Variants in DPP10 observed in about 807,000 individuals in gnomAD.
DPP10 encodes inactive dipeptidyl peptidase 10.
In DPP10, 33 loss-of-function variants were observed where a neutral mutation model predicts 120.9. The ratio of observed to expected loss-of-function variants is 0.27; its 90% confidence interval spans 0.21 to 0.37. The LOEUF (loss-of-function observed/expected upper bound fraction) is 0.37, where lower values mean the gene tolerates loss of function less well. Ranked by LOEUF, DPP10 falls within the 10% of genes least tolerant of loss-of-function variation. DPP10 has a pLI of 1.00. For synonymous variants in DPP10, 337 were observed against 326.1 expected (o/e 1.03, Z -0.36); for missense variants, 816 against 942.8 (o/e 0.87, Z 1.76).
chr2:115,721,385 G>A (rs979473214), intron 7 of DPP10, among the ~76,000 whole-genome samples: 1 of 152,012 alleles, frequency 6.6e-6, no homozygotes, highest in African/African-American at 2.4e-5. Context: ...CTGCCCTATG[G>A]TTTTGTACAA....
At chr2:115,469,260 A>T (rs2074532670) in intron 3 of DPP10, among the ~76,000 whole-genome samples, 2 of 152,358 alleles carry the variant, frequency 1.3e-5, no homozygotes, top group Middle Eastern at 6.8e-3. Flanking sequence ...GAAGGGCATG[A>T]AGAAAGACCA....
At chr2:114,573,650 T>C (rs1689827777) in intron 1 of DPP10, among the ~76,000 whole-genome samples, 1 of 152,160 alleles carries the variant, frequency 6.6e-6, no homozygotes, top group Non-Finnish European at 1.5e-5. Context: ...CTCACCTAGT[T>C]CCTGAGTTCT....
intron 1 of DPP10, among the ~76,000 whole-genome samples, chr2:114,808,129 C>T (rs994610642): frequency 6.6e-6 from 1 of 152,150 alleles, no homozygotes; most frequent in African/African-American, 2.4e-5. Context: ...GGACACATGA[C>T]ATCATTTTCA....
intron 1 of DPP10, among the ~76,000 whole-genome samples, chr2:114,595,877 T>G (rs1432928331): frequency 6.6e-6 from 1 of 152,132 alleles, no homozygotes; most frequent in African/African-American, 2.4e-5. Flanking sequence ...CCTGGATCAT[T>G]ATCTTTACTT....
At chr2:115,477,806 G>A (rs990769527) in intron 3 of DPP10, among the ~76,000 whole-genome samples, 1 of 151,960 alleles carries the variant, frequency 6.6e-6, no homozygotes, top group African/African-American at 2.4e-5. Flanking sequence ...CCCTTTTTTT[G>A]TGTGTTGCTA....
chr2:115,471,593 ATT>A (rs5833594), intron 3 of DPP10, among the ~76,000 whole-genome samples: 18 of 147,442 alleles, frequency 1.2e-4, no homozygotes, highest in Admixed American at 2.0e-4. Context: ...TCTCTCTTTT[ATT>A]TTTTTTTTTG....
intron 1 of DPP10, among the ~76,000 whole-genome samples, chr2:114,586,871 T>G (rs544554540): frequency 6.6e-6 from 1 of 152,342 alleles, no homozygotes; most frequent in East Asian, 1.9e-4. Flanking sequence ...CCATGTGATC[T>G]CCACGTACTG....
rs547376965 is a variant in DPP10, at chr2:114,971,858, C to T, written c.61-337381C>T. ...TATCTGTTTTTTATAGTGAGACATT[C>T]ATGTTTTGTTCATTCACTTCCATGA... On this transcript the variant is annotated intron_variant, in intron 1 of 25. Coordinates refer to ENST00000410059, the MANE Select transcript of DPP10 (RefSeq NM_020868.6). Among the ~76,000 whole-genome samples the T allele has an allele frequency of 3.4e-4, 52 of 152,208 alleles. No individual in the cohort carries two copies. In the South Asian group the frequency reaches 9.3e-3, roughly 27 times the overall value.
chr2:115,827,586 TTTTTATTTTA>T (rs921674347), intron 21 of DPP10, among the ~76,000 whole-genome samples: 1 of 150,948 alleles, frequency 6.6e-6, no homozygotes, highest in African/African-American at 2.4e-5. Flanking sequence ...TTTATTTTTA[TTTTTATTTTA>T]TTTTATTTTA....
chr2:115,492,355 T>G (rs2076170790), intron 3 of DPP10, among the ~76,000 whole-genome samples: 1 of 152,070 alleles, frequency 6.6e-6, no homozygotes, highest in South Asian at 2.1e-4. Flanking sequence ...TTATAAAGTT[T>G]TGGGGGTATG....
chr2:115,399,065 T>C (rs1264078904), intron 3 of DPP10, among the ~76,000 whole-genome samples: 1 of 152,162 alleles, frequency 6.6e-6, no homozygotes, highest in Non-Finnish European at 1.5e-5. Flanking sequence ...TTTGACTAAA[T>C]ACTCTGAGGC....
intron 3 of DPP10, among the ~76,000 whole-genome samples, chr2:115,477,064 C>T (rs962820262): frequency 2.6e-5 from 4 of 152,070 alleles, no homozygotes; most frequent in Admixed American, 2.6e-4. Flanking sequence ...ACATTACTCG[C>T]AATGGTGAAA....
At chr2:115,568,188 A>G (rs1575200122) in intron 5 of DPP10, among the ~76,000 whole-genome samples, 1 of 131,662 alleles carries the variant, frequency 7.6e-6, no homozygotes. Flanking sequence ...CAAAAAAAAG[A>G]AAAAAAAAAA....
chr2:115,674,056 A>G (rs1401702972), intron 5 of DPP10, among the ~76,000 whole-genome samples: 5 of 151,412 alleles, frequency 3.3e-5, no homozygotes, highest in Non-Finnish European at 4.4e-5. Flanking sequence ...TACAAACAAA[A>G]CAAAACAAAA....
At chr2:114,970,582 T>A (rs541396921) in intron 1 of DPP10, among the ~76,000 whole-genome samples, 1 of 152,326 alleles carries the variant, frequency 6.6e-6, no homozygotes. Context: ...ATCAAGTTTA[T>A]CTGAACTTTA....
chr2:115,296,430 A>C (rs1270819223), intron 1 of DPP10, among the ~76,000 whole-genome samples: 1 of 152,052 alleles, frequency 6.6e-6, no homozygotes, highest in Non-Finnish European at 1.5e-5. Context: ...CTCCTGGGCA[A>C]TTACAACCTT....
At chr2:114,796,827 A>G (rs1048881854) in intron 1 of DPP10, among the ~76,000 whole-genome samples, 7 of 152,220 alleles carry the variant, frequency 4.6e-5, no homozygotes, top group African/African-American at 1.7e-4. Flanking sequence ...CTTTAGGTCC[A>G]GTGTTTTGGC....
intron 1 of DPP10, among the ~76,000 whole-genome samples, chr2:114,692,733 T>TA (rs1699842150): frequency 6.6e-6 from 1 of 152,090 alleles, no homozygotes; most frequent in Non-Finnish European, 1.5e-5. Flanking sequence ...TTTAGGTCTC[T>TA]AAGCACTTGC....
intron 5 of DPP10, among the ~76,000 whole-genome samples, chr2:115,573,936 T>C (rs949750570): frequency 1.3e-5 from 2 of 152,182 alleles, no homozygotes; most frequent in Non-Finnish European, 2.9e-5. Context: ...CTCCTCCCTT[T>C]ACTTGAGCTG....
Sources: gnomAD v4.1 joint callset for allele counts (sites outside exome capture counted in the v4.1 genomes callset) on GRCh38, gnomAD v4.1.1 for gene constraint, MANE v1.5 for transcripts, NCBI Gene and HGNC (gene_info 2026-07-23, HGNC 2026-07-21) for gene names.